RASGRP2: variants seen among roughly 807,000 people sequenced by gnomAD.
RASGRP2 encodes the protein RAS guanyl releasing protein 2, also known as RAS guanyl-releasing protein 2.
RASGRP2 carries 44 observed loss-of-function variants against 71.0 expected under a neutral mutation model. The observed-to-expected ratio is 0.62, with a 90% CI of 0.49 to 0.80. The LOEUF (loss-of-function observed/expected upper bound fraction) is 0.80, where lower values mean the gene tolerates loss of function less well. RASGRP2 is among the 30% of genes least tolerant of loss of function. RASGRP2 has a pLI of 0.00. For missense variants in RASGRP2, 663 were observed against 813.4 expected (o/e 0.82, Z 2.25); for synonymous variants, 350 against 330.7 (o/e 1.06, Z -0.63).
upstream of RASGRP2, chr11:64,744,196 C>A: frequency 1.0e-6 from 1 of 986,060 alleles, no homozygotes; most frequent in Non-Finnish European, 1.2e-6. Flanking sequence ...CATGGGTGCG[C>A]ACGCCCATTC....
In RASGRP2 at chr11:64,735,091, C is replaced by A. The variant is rs2057887426; in HGVS notation, c.1412+21G>T. Reference sequence around the variant, plus strand: ...GGGCTGAGTTGCCTTCCCTCTCCCCCAGGTCCCCAGCCCTCCTCACTGGTT... The same window carrying A: ...GGGCTGAGTTGCCTTCCCTCTCCCCAAGGTCCCCAGCCCTCCTCACTGGTT... On this transcript the variant is annotated intron_variant, in intron 12 of 16. Coordinates refer to ENST00000394432, the MANE Select transcript of RASGRP2 (RefSeq NM_001098671.2). This position sits in a 1 kb window ranked among gnomAD's most constrained non-coding sequence, Gnocchi z 4.2. 5.7e-6 allele frequency: 9 copies of A among 1,584,326 alleles called. No homozygotes were observed. Among genetic ancestry groups the A allele is most frequent in the East Asian group, 2.2e-5 (1 of 44,736 alleles).
intron 12 of RASGRP2, among the ~76,000 whole-genome samples, chr11:64,731,432 A>G (rs2057766520): frequency 6.6e-6 from 1 of 152,092 alleles, no homozygotes; most frequent in Non-Finnish European, 1.5e-5. Flanking sequence ...TACACAGAAC[A>G]CAAATCCAAG....
intron 3 of RASGRP2, 151 bp from the exon 4 acceptor site, chr11:64,741,652 A>T: frequency 9.1e-6 from 6 of 657,514 alleles, no homozygotes; most frequent in Non-Finnish European, 1.6e-5. Flanking sequence ...GAGCTCTGGG[A>T]GGGGTTGGAG....
intron 12 of RASGRP2, 97 bp from the exon 13 acceptor site, chr11:64,730,291 C>T: frequency 6.7e-7 from 1 of 1,484,728 alleles, no homozygotes; most frequent in Non-Finnish European, 9.2e-7. Flanking sequence ...CCTCATGGAA[C>T]TCCTGATTTT....
At position 64,729,817 on chromosome 11, in the gene RASGRP2, C is replaced by A; in HGVS notation, c.1555-19G>T. On this transcript the variant is annotated intron_variant, in intron 13 of 16. Coordinates refer to ENST00000394432, the MANE Select transcript of RASGRP2 (RefSeq NM_001098671.2). Reference sequence around the variant, plus strand: ...CCAGGATCTGCAATAGAGGAGGGGCCGTGGTGGGAGGAGGGATTTAGAGGT... The same window carrying A: ...CCAGGATCTGCAATAGAGGAGGGGCAGTGGTGGGAGGAGGGATTTAGAGGT... 2 of 1,613,762 alleles carry A rather than the reference C, an allele frequency of 1.2e-6. No individual in the cohort carries two copies. Among genetic ancestry groups the A allele is most frequent in the Non-Finnish European group, 1.7e-6 (2 of 1,179,674 alleles).
intron 4 of RASGRP2, 97 bp downstream of exon 4, chr11:64,741,342 C>A: frequency 7.4e-7 from 1 of 1,356,144 alleles, no homozygotes; most frequent in Non-Finnish European, 1.0e-6. Flanking sequence ...TTCAAACCCA[C>A]TCCCAGAAAC....
In RASGRP2 at chr11:64,729,756, TC is replaced by T; in HGVS notation, c.1591+5del. On this transcript the variant is annotated splice_donor_5th_base_variant and intron_variant, in intron 14 of 16. Transcript: ENST00000394432. Reference sequence around the variant, plus strand: ...CCCAGCAGCCCTTCCAGTCATTCCATCTCACCTCGGCATTTGAGGCCCTGCT... The same window carrying T: ...CCCAGCAGCCCTTCCAGTCATTCCATTCACCTCGGCATTTGAGGCCCTGCT... 12 of 1,613,836 alleles carry T rather than the reference TC, an allele frequency of 7.4e-6. No individual in the cohort carries two copies. The highest frequency in any genetic ancestry group is 1.0e-5 in the Non-Finnish European group (12 of 1,179,866).
chr11:64,732,532 G>A (rs1380942543), intron 12 of RASGRP2, among the ~76,000 whole-genome samples: 9 of 152,210 alleles, frequency 5.9e-5, no homozygotes, highest in Admixed American at 5.2e-4. Flanking sequence ...GGTGGCTCAC[G>A]CCTGTAATCC....
rs1172906949 is a variant in RASGRP2 at position 64,742,249 on chromosome 11, C to G, written c.74-137G>C. ...GCCCACCTCCTGCTTGCCCAGGACTCCGAGAGCAGGAGGCAAATTAGAGAG... is the reference window on the plus strand; with the variant it reads ...GCCCACCTCCTGCTTGCCCAGGACTGCGAGAGCAGGAGGCAAATTAGAGAG... On this transcript the variant is annotated intron_variant, in intron 2 of 16. Transcript: ENST00000394432. This position sits in a 1 kb window ranked among gnomAD's most constrained non-coding sequence, Gnocchi z 4.7. The G allele has an allele frequency of 8.2e-6, 6 of 730,290 alleles. No homozygotes were observed. The highest frequency in any genetic ancestry group is 1.5e-5 in the Non-Finnish European group (6 of 403,592). The allele number at this position is 730,290 out of a possible 1,614,324, so 45.2% of individuals were successfully genotyped here.
upstream of RASGRP2, chr11:64,744,259 C>T (rs2058237198): frequency 1.0e-6 from 1 of 985,730 alleles, no homozygotes; most frequent in Non-Finnish European, 1.2e-6. Flanking sequence ...CCCCAGCTCC[C>T]TGACTCCCCT....
Position 64,735,506 on chromosome 11 carries a change from C to T in RASGRP2, c.1296+36G>A. ...GGGCAGTGCTCCGGCAAACTGGCCT[C>T]TCCCCACACACTGCTCAGGCTCCGC... On this transcript the variant is annotated intron_variant, in intron 11 of 16. Transcript: ENST00000394432. This position sits in a 1 kb window ranked among gnomAD's most constrained non-coding sequence, Gnocchi z 4.2. The T allele has an allele frequency of 1.2e-6, 2 of 1,613,374 alleles. No homozygotes were observed. The highest frequency in any genetic ancestry group is 1.7e-6 in the Non-Finnish European group (2 of 1,180,026).
chr11:64,740,300 TC>T, intron 5 of RASGRP2, 137 bp from the exon 6 acceptor site: 1 of 1,030,594 alleles, frequency 9.7e-7, no homozygotes, highest in Non-Finnish European at 1.5e-6. Flanking sequence ...ATGTTCCCAG[TC>T]CCAGCAACTC....
rs1319920738 is a variant in RASGRP2 at position 64,743,242 on chromosome 11, C to G, written c.-71-305G>C. 1 of 496,216 alleles carries G rather than the reference C, an allele frequency of 2.0e-6. No individual in the cohort carries two copies. Among genetic ancestry groups the G allele is most frequent in the Admixed American group, 2.3e-5 (1 of 43,568 alleles). 30.7% of individuals were successfully genotyped at this position (496,216 alleles called of 1,614,324 possible). A position where few individuals can be genotyped will look rare whatever the true frequency, so the allele number is the denominator to read the frequency against. On this transcript the variant is annotated intron_variant, in intron 1 of 16. Coordinates refer to ENST00000394432, the MANE Select transcript of RASGRP2 (RefSeq NM_001098671.2). The surrounding 1 kb of genome is among the most constrained non-coding windows in gnomAD (Gnocchi z 4.9). Reference sequence around the variant, plus strand: ...CCAGCCCCCCGCAGGGCGCCTTCTCCTCGCGCCCTCTCCCCAGAGGCACCT... The same window carrying G: ...CCAGCCCCCCGCAGGGCGCCTTCTCGTCGCGCCCTCTCCCCAGAGGCACCT...
Position 64,735,912 on chromosome 11 carries a change from G to T in RASGRP2, c.1164C>A (p.Ser388=). The T allele has an allele frequency of 1.2e-6, 2 of 1,613,856 alleles. No homozygotes were observed. The highest frequency in any genetic ancestry group is 1.7e-6 in the Non-Finnish European group (2 of 1,179,884). The part of the protein sequence containing the change: ...YQLSLQREPR[S]KSSPTSPTSC... ...GGGAGTACCCCCTCACCGAGGACTT[G>T]GAGCGCGGCTCCCGCTGCAGGGACA... The change falls in exon 10 of 17, where the codon TCC becomes TCA. Residue 388 remains serine, a synonymous_variant. Coordinates refer to ENST00000394432, the MANE Select transcript of RASGRP2 (RefSeq NM_001098671.2). The surrounding 1 kb of genome is among the most constrained non-coding windows in gnomAD (Gnocchi z 4.2).
In RASGRP2 at chr11:64,741,513, G is replaced by C. The variant is rs1241213933; in HGVS notation, c.177-12C>G. 11 of 1,570,364 alleles carry C rather than the reference G, an allele frequency of 7.0e-6. No homozygotes were observed. The highest frequency in any genetic ancestry group is 8.7e-7 in the Non-Finnish European group (1 of 1,154,488). ...GGGATTGTTGGTAGGTGAAGGAGAGGGTTAAGGAGGCCGCTTAACTCTAGA... is the reference window on the plus strand; with the variant it reads ...GGGATTGTTGGTAGGTGAAGGAGAGCGTTAAGGAGGCCGCTTAACTCTAGA... On this transcript the variant is annotated splice_polypyrimidine_tract_variant and intron_variant, in intron 3 of 16. Transcript: ENST00000394432.
chr11:64,743,660 T>C lies in RASGRP2; in HGVS notation c.-72+343A>G. On this transcript the variant is annotated intron_variant, in intron 1 of 16. Transcript: ENST00000394432. The surrounding 1 kb of genome is among the most constrained non-coding windows in gnomAD (Gnocchi z 4.9). ...TCAGCTTGTCCACAGGCCCTCTTCC[T>C]CCCTATCCCCGGCTCCTGACCCTGG... The C allele has an allele frequency of 2.4e-6, 1 of 416,726 alleles. No homozygotes were observed. The highest frequency in any genetic ancestry group is 4.8e-6 in the Non-Finnish European group (1 of 209,668). The allele number at this position is 416,726 out of a possible 1,614,324, so 25.8% of individuals were successfully genotyped here. A position where few individuals can be genotyped will look rare whatever the true frequency, so the allele number is the denominator to read the frequency against.
At position 64,735,468 on chromosome 11, in the gene RASGRP2, G is replaced by C. The variant is rs547693917; in HGVS notation, c.1296+74C>G. The stretch of plus-strand genomic sequence containing the variant: ...GTGCTGGGTCTTGAACAGGACACTC[G>C]TGCTGGCTTCCAGGGCAGTGCTCCG... On this transcript the variant is annotated intron_variant, in intron 11 of 16. Transcript: ENST00000394432. The surrounding 1 kb of genome is among the most constrained non-coding windows in gnomAD (Gnocchi z 4.2). 9.3e-6 allele frequency: 15 copies of C among 1,607,958 alleles called. No homozygotes were observed. Among genetic ancestry groups the C allele is most frequent in the Admixed American group, 3.3e-5 (2 of 60,020 alleles).
chr11:64,741,258 A>C (rs1277110947), intron 4 of RASGRP2, among the ~76,000 whole-genome samples, 179 bp from the exon 5 acceptor site: 3 of 152,232 alleles, frequency 2.0e-5, no homozygotes, highest in African/African-American at 7.2e-5. Flanking sequence ...CGCACTGCGC[A>C]GAAAAGAAAA....
upstream of RASGRP2, chr11:64,744,153 G>A (rs1046633170): frequency 1.0e-6 from 1 of 986,882 alleles, no homozygotes; most frequent in South Asian, 4.6e-5. Context: ...GCCTCTCCAC[G>A]CATGTACACT....
Sources: allele counts gnomAD v4.1 joint callset (sites outside exome capture counted in the v4.1 genomes callset), GRCh38; gene constraint gnomAD v4.1.1; non-coding constraint Gnocchi (gnomAD v3.1); transcripts MANE v1.5; gene names NCBI Gene and HGNC (gene_info 2026-07-23, HGNC 2026-07-21).